The following VPS13B variants were observed in gnomAD, a reference collection of about 807,000 sequenced individuals.
VPS13B encodes the protein intermembrane lipid transfer protein VPS13B.
In VPS13B, 285 loss-of-function variants were observed where a neutral mutation model predicts 426.4. The observed-to-expected ratio is 0.67, with a 90% confidence interval of 0.61 to 0.74. VPS13B has a LOEUF of 0.74. Among genes scored for constraint, VPS13B ranks in the 30% least tolerant of loss-of-function variants. VPS13B has a pLI of 0.00. For missense variants in VPS13B, 4,537 were observed against 4,782.6 expected, an observed-to-expected ratio of 0.95 and a Z score of 1.51; for synonymous variants, 1,676 against 1,676.4, an observed-to-expected ratio of 1.00 and a Z score of 0.01.
intron 33 of VPS13B, among the ~76,000 whole-genome samples, chr8:99,597,888 A>G (rs1563816836): frequency 6.6e-6 from 1 of 152,078 alleles, no homozygotes; most frequent in Non-Finnish European, 1.5e-5. Flanking sequence ...AATACTGAGC[A>G]CACAATGGAC....
At chr8:99,196,271 G>C (rs540695607) in intron 17 of VPS13B, among the ~76,000 whole-genome samples, 6 of 151,460 alleles carry the variant, frequency 4.0e-5, no homozygotes, top group Non-Finnish European at 8.8e-5. Context: ...CATATCCTTG[G>C]TTAACTTTAT....
intron 3 of VPS13B, among the ~76,000 whole-genome samples, chr8:99,038,906 T>C (rs980439985): frequency 2.6e-5 from 4 of 152,028 alleles, no homozygotes; most frequent in African/African-American, 9.7e-5. Flanking sequence ...AGGATGGTCT[T>C]GATCTCTTGA....
At position 99,372,327 on chromosome 8, in the gene VPS13B, T is replaced by C. The variant is rs1202824870; in HGVS notation, c.2825-11881T>C. Among the ~76,000 whole-genome samples, 41 of 149,712 alleles carry C rather than the reference T, an allele frequency of 2.7e-4. 3 individuals carry two copies. The highest frequency in any genetic ancestry group is 2.7e-3 in the Admixed American group (41 of 15,112). On this transcript the variant is annotated intron_variant, in intron 19 of 61. Transcript: ENST00000357162. ...ATCAACAAATGGGATCTAATCAAAC[T>C]AAAGAACTTCTGCACAGCAAAAGAA...
intron 20 of VPS13B, among the ~76,000 whole-genome samples, chr8:99,387,097 AT>A (rs1220265577): frequency 6.6e-6 from 1 of 152,190 alleles, no homozygotes; most frequent in African/African-American, 2.4e-5. Context: ...CTTGGAATAT[AT>A]TTTTACAAGT....
At chr8:99,022,918 TG>T (rs1466101725) in intron 2 of VPS13B, among the ~76,000 whole-genome samples, 1 of 152,120 alleles carries the variant, frequency 6.6e-6, no homozygotes, top group East Asian at 1.9e-4. Flanking sequence ...TGTTTTGGGT[TG>T]GGTTTGATTT....
intron 39 of VPS13B, among the ~76,000 whole-genome samples, chr8:99,752,926 A>T (rs1810469956): frequency 6.6e-6 from 1 of 152,210 alleles, no homozygotes; most frequent in African/African-American, 2.4e-5. Context: ...GAAAACCATG[A>T]CCGTCAAGTA....
intron 23 of VPS13B, among the ~76,000 whole-genome samples, chr8:99,452,718 A>G (rs941214815): frequency 2.6e-5 from 4 of 152,228 alleles, no homozygotes; most frequent in Non-Finnish European, 4.4e-5. Context: ...AGTTCTCTGT[A>G]GATTTGAGGC....
At chr8:99,572,174 A>G (rs982828568) in intron 31 of VPS13B, among the ~76,000 whole-genome samples, 1 of 152,226 alleles carries the variant, frequency 6.6e-6, no homozygotes, top group Non-Finnish European at 1.5e-5. Flanking sequence ...CTAACGAAAC[A>G]TAAATGTATT....
At chr8:99,258,470 T>G (rs1817871570) in intron 17 of VPS13B, among the ~76,000 whole-genome samples, 1 of 152,044 alleles carries the variant, frequency 6.6e-6, no homozygotes, top group Non-Finnish European at 1.5e-5. Context: ...GACATAGCTC[T>G]GGAGCCTATG....
chr8:99,800,513 A>T (rs1208964245), intron 43 of VPS13B, among the ~76,000 whole-genome samples: 1 of 152,206 alleles, frequency 6.6e-6, no homozygotes, highest in African/African-American at 2.4e-5. Context: ...CATAAAATTT[A>T]AAAATGAAAT....
chr8:99,508,142 G>C (rs1821595957), intron 28 of VPS13B, among the ~76,000 whole-genome samples: 1 of 152,194 alleles, frequency 6.6e-6, no homozygotes, highest in Non-Finnish European at 1.5e-5. Flanking sequence ...GGAAATCAAA[G>C]TAGGACATTC....
In VPS13B at chr8:99,829,574, C is replaced by T. The variant is rs918252002; in HGVS notation, c.9331-2795C>T. On this transcript the variant is annotated intron_variant, in intron 51 of 61. Coordinates refer to ENST00000357162, the MANE Select transcript of VPS13B (RefSeq NM_152564.5). ...TTAGCTCGGAGGACTTTGTTATTACCCACCTTCTGAATCTACTTCTGTCAA... is the reference window on the plus strand; with the variant it reads ...TTAGCTCGGAGGACTTTGTTATTACTCACCTTCTGAATCTACTTCTGTCAA... Among the ~76,000 whole-genome samples the T allele has an allele frequency of 5.9e-5, 9 of 152,242 alleles. 1 individual carries two copies. The highest frequency in any genetic ancestry group is 2.2e-4 in the African/African-American group (9 of 41,554).
At chr8:99,619,942 G>A (rs893151314) in intron 33 of VPS13B, among the ~76,000 whole-genome samples, 16 of 151,156 alleles carry the variant, frequency 1.1e-4, no homozygotes, top group Admixed American at 4.6e-4. Flanking sequence ...TTAGCACATA[G>A]TATATATTTC....
At chr8:99,866,186 G>A (rs568348880) in intron 58 of VPS13B, among the ~76,000 whole-genome samples, 6 of 152,334 alleles carry the variant, frequency 3.9e-5, no homozygotes, top group South Asian at 2.1e-4. Flanking sequence ...GAAAGCCTTC[G>A]AGCAGAGTTT....
chr8:99,379,613 T>G (rs1240302473), intron 19 of VPS13B, among the ~76,000 whole-genome samples: 1 of 152,152 alleles, frequency 6.6e-6, no homozygotes, highest in Non-Finnish European at 1.5e-5. Context: ...TATTATTATA[T>G]CCTAAATTTG....
chr8:99,438,997 A>G (rs1287755020), intron 22 of VPS13B, among the ~76,000 whole-genome samples: 1 of 152,164 alleles, frequency 6.6e-6, no homozygotes, highest in Non-Finnish European at 1.5e-5. Context: ...TGTGTTAAAT[A>G]TATATATCAA....
chr8:99,681,538 A>G (rs990821112), intron 35 of VPS13B, among the ~76,000 whole-genome samples: 1 of 152,156 alleles, frequency 6.6e-6, no homozygotes, highest in African/African-American at 2.4e-5. Context: ...AATTACTTAA[A>G]TGTCTTAAAT....
intron 21 of VPS13B, among the ~76,000 whole-genome samples, chr8:99,408,747 G>A (rs1362358908): frequency 6.6e-6 from 1 of 152,162 alleles, no homozygotes; most frequent in African/African-American, 2.4e-5. Context: ...AGAAGAAAGT[G>A]TTTGTAGAGA....
chr8:99,023,772 C>T (rs1260493933), intron 2 of VPS13B, among the ~76,000 whole-genome samples: 2 of 152,174 alleles, frequency 1.3e-5, no homozygotes, highest in African/African-American at 4.8e-5. Flanking sequence ...AGCCACTGCA[C>T]CCAGCTTATA....
Sources: allele counts gnomAD v4.1 joint callset (sites outside exome capture counted in the v4.1 genomes callset), GRCh38; gene constraint gnomAD v4.1.1; transcripts MANE v1.5; gene names NCBI Gene and HGNC (gene_info 2026-07-23, HGNC 2026-07-21).